ATP8A1: variants seen among roughly 807,000 people sequenced by gnomAD.
The protein encoded by ATP8A1 is phospholipid-transporting ATPase IA.
A neutral mutation model predicts 177.7 loss-of-function variants in ATP8A1; 90 were observed. The ratio of observed to expected loss-of-function variants is 0.51; its 90% CI spans 0.43 to 0.60. ATP8A1 has a LOEUF of 0.60. Ranked by LOEUF, ATP8A1 falls within the 20% of genes least tolerant of loss-of-function variation. ATP8A1 has a pLI of 0.00. For missense variants in ATP8A1, 1,072 were observed against 1,392.8 expected (o/e 0.77, Z 3.67); for synonymous variants, 493 against 485.9 (o/e 1.01, Z -0.19).
At chr4:42,620,953 C>T (rs7654745) in intron 4 of ATP8A1, among the ~76,000 whole-genome samples, 34,353 of 152,006 alleles carry the variant, frequency 0.23, 4,362 homozygotes, top group Non-Finnish European at 0.29. Context: ...AAAAATTAAA[C>T]GAGAAAAACA....
chr4:42,593,487 C>T (rs1261355202), intron 6 of ATP8A1, among the ~76,000 whole-genome samples: 2 of 151,682 alleles, frequency 1.3e-5, no homozygotes, highest in African/African-American at 2.4e-5. Context: ...TGTTAAGTTT[C>T]GCTAACTTGT....
intron 7 of ATP8A1, 147 bp from the exon 8 acceptor site, chr4:42,588,476 C>G (rs1392760608): frequency 3.0e-5 from 19 of 639,782 alleles, no homozygotes; most frequent in Non-Finnish European, 4.6e-5. Flanking sequence ...ATTCTAACAG[C>G]AAGATGCTGT....
At chr4:42,574,237 G>T (rs912632371) in intron 14 of ATP8A1, among the ~76,000 whole-genome samples, 19 of 151,948 alleles carry the variant, frequency 1.3e-4, no homozygotes, top group Non-Finnish European at 2.5e-4. Flanking sequence ...TATCAAAAGG[G>T]GTAACTGTCA....
chr4:42,496,276 T>C (rs1462412201), intron 24 of ATP8A1, among the ~76,000 whole-genome samples: 1 of 152,210 alleles, frequency 6.6e-6, no homozygotes. Context: ...GGATAAGGGA[T>C]ATAATTATAT....
chr4:42,575,690 T>C lies in ATP8A1; in HGVS notation c.1138A>G (p.Met380Val). 1 of 1,613,048 alleles carries C rather than the reference T, an allele frequency of 6.2e-7. No individual in the cohort carries two copies. The highest frequency in any genetic ancestry group is 1.7e-4 in the Middle Eastern group (1 of 6,058). Residue 380 changes from methionine to valine, a missense_variant, in exon 13 of 37, where the codon ATG becomes GTG. Transcript: ENST00000381668. ...GCAGTGTCTGTGGGTTCATAGTGCA[T>C]GTCAAGATCCTTTAATAAAATTAAG... ...QAYFINWDLDMHYEPTDTAAM... is the reference protein window; with the variant it reads ...QAYFINWDLDVHYEPTDTAAM...
chr4:42,555,219 T>A (rs76662014), intron 16 of ATP8A1, among the ~76,000 whole-genome samples: 22 of 63,450 alleles, frequency 3.5e-4, no homozygotes, highest in African/African-American at 9.9e-4. Context: ...TGCCCCCCCC[T>A]AGAGAACCCT....
At chr4:42,480,449 G>GTTTGTA (rs1721560148) in intron 25 of ATP8A1, among the ~76,000 whole-genome samples, 1 of 152,156 alleles carries the variant, frequency 6.6e-6, no homozygotes, top group Non-Finnish European at 1.5e-5. Flanking sequence ...TTCATTAACA[G>GTTTGTA]TTTGTAAAAG....
intron 19 of ATP8A1, among the ~76,000 whole-genome samples, chr4:42,548,420 T>C (rs1729148913): frequency 1.3e-5 from 2 of 152,194 alleles, no homozygotes; most frequent in South Asian, 4.1e-4. Flanking sequence ...ATTTTAAAAT[T>C]GATACACAGT....
chr4:42,579,870 C>A lies in ATP8A1; in HGVS notation c.943G>T (p.Gly315Cys). 1.9e-6 allele frequency: 3 copies of A among 1,613,520 alleles called. No individual in the cohort carries two copies. Among genetic ancestry groups the A allele is most frequent in the Non-Finnish European group, 2.5e-6 (3 of 1,179,770 alleles). ...LIAMSLVCSV[G>C]SAIWNRRHSG... ...TGCCTTCGATTCCAAATGGCTGAGCCCACAGAACAGACAAGAGACATGGCA... is the reference window on the plus strand; with the variant it reads ...TGCCTTCGATTCCAAATGGCTGAGCACACAGAACAGACAAGAGACATGGCA... The change falls in exon 11 of 37, where the codon GGC becomes TGC. Residue 315 changes from glycine to cysteine, a missense_variant. Physicochemically the swap from Gly to Cys is radical, Grantham distance 159 (BLOSUM62 -3). Transcript: ENST00000381668.
intron 1 of ATP8A1, among the ~76,000 whole-genome samples, chr4:42,654,492 C>T (rs1560569258): frequency 6.6e-6 from 1 of 152,132 alleles, no homozygotes. Flanking sequence ...CAAGGTCTCG[C>T]CACCCTCTCT....
At chr4:42,465,686 G>A (rs1040043500) in intron 25 of ATP8A1, among the ~76,000 whole-genome samples, 2 of 152,088 alleles carry the variant, frequency 1.3e-5, no homozygotes, top group Non-Finnish European at 2.9e-5. Context: ...ATCATATCTG[G>A]TATTAGATTT....
chr4:42,526,174 G>A (rs555604246), intron 20 of ATP8A1, among the ~76,000 whole-genome samples: 11 of 152,088 alleles, frequency 7.2e-5, no homozygotes, highest in South Asian at 2.1e-4. Flanking sequence ...ACATTCTAGC[G>A]GAAGACACTG....
chr4:42,555,420 T>G (rs111500939), intron 16 of ATP8A1, among the ~76,000 whole-genome samples: 1 of 152,048 alleles, frequency 6.6e-6, no homozygotes, highest in Non-Finnish European at 1.5e-5. Flanking sequence ...ATGAAACAAT[T>G]TGAAAAGACA....
At chr4:42,547,166 C>G (rs1729018371) in intron 19 of ATP8A1, among the ~76,000 whole-genome samples, 1 of 152,166 alleles carries the variant, frequency 6.6e-6, no homozygotes, top group Admixed American at 6.5e-5. Flanking sequence ...ATTTCAACCT[C>G]CACATCTATT....
chr4:42,482,055 C>T (rs950727316), intron 25 of ATP8A1, among the ~76,000 whole-genome samples: 1 of 152,174 alleles, frequency 6.6e-6, no homozygotes, highest in African/African-American at 2.4e-5. Flanking sequence ...GTAATCCCAG[C>T]ACTTTGGGAG....
intron 25 of ATP8A1, 45 bp downstream of exon 25, chr4:42,485,451 C>G: frequency 6.6e-7 from 1 of 1,521,168 alleles, no homozygotes. Flanking sequence ...GAACTTAGAT[C>G]AAGTCATTCT....
chr4:42,481,259 G>A (rs1342084917), intron 25 of ATP8A1, among the ~76,000 whole-genome samples: 1 of 152,174 alleles, frequency 6.6e-6, no homozygotes, highest in African/African-American at 2.4e-5. Flanking sequence ...ACCTAAAAGG[G>A]CTATGAGAGG....
chr4:42,620,600 G>A (rs1737371361), intron 4 of ATP8A1, among the ~76,000 whole-genome samples: 2 of 152,166 alleles, frequency 1.3e-5, no homozygotes, highest in African/African-American at 4.8e-5. Context: ...TTATAAGGCA[G>A]GAGTCTGGAG....
chr4:42,576,307 T>C (rs1239925668), intron 12 of ATP8A1, among the ~76,000 whole-genome samples: 2 of 148,780 alleles, frequency 1.3e-5, no homozygotes, highest in South Asian at 4.2e-4. Flanking sequence ...CCGTCTCTAC[T>C]AAAAAAAAAT....
Sources: allele counts gnomAD v4.1 joint callset (sites outside exome capture counted in the v4.1 genomes callset), GRCh38; gene constraint gnomAD v4.1.1; transcripts MANE v1.5; gene names NCBI Gene and HGNC (gene_info 2026-07-23, HGNC 2026-07-21).